The following PCDHGA8 variants were observed in gnomAD, a reference collection of about 807,000 sequenced individuals.
PCDHGA8 encodes the protein protocadherin gamma subfamily A, 8, also known as protocadherin gamma-A8.
A neutral mutation model predicts 59.2 loss-of-function variants in PCDHGA8; 45 were observed. That is an observed-to-expected ratio of 0.76 (90% CI 0.60 to 0.98). The LOEUF (loss-of-function observed/expected upper bound fraction) is 0.98. Ranked by LOEUF, PCDHGA8 falls within the 50% of genes least tolerant of loss-of-function variation. The probability of loss-of-function intolerance (pLI) is 0.00; values close to 1 mark genes in which losing one functional copy is unlikely to be tolerated. For missense variants in PCDHGA8, 1,257 were observed against 1,196.2 expected, an observed-to-expected ratio of 1.05 and a Z score of -0.75; for synonymous variants, 531 against 519.0, an observed-to-expected ratio of 1.02 and a Z score of -0.32.
Position 141,485,814 on chromosome 5 carries a change from C to T in PCDHGA8, c.2425-8993C>T, listed in dbSNP as rs2099619616. 7.4e-6 allele frequency: 12 copies of T among 1,613,982 alleles called. No individual in the cohort carries two copies. The East Asian group carries it at 2.2e-4, about 30-fold the overall frequency. On this transcript the variant is annotated intron_variant, in intron 1 of 3. Coordinates refer to ENST00000398604, the MANE Select transcript of PCDHGA8 (RefSeq NM_032088.2). This position sits in a 1 kb window ranked among gnomAD's most constrained non-coding sequence, Gnocchi z 5.7. ...TCGGACTACCGCCTGGTGCTGACTG[C>T]TGTCGATGGAGGGAACCCGCCGAGA...
At chr5:141,417,001 A>G (rs1590037654) in intron 1 of PCDHGA8, 1 of 150,924 alleles carries the variant, frequency 6.6e-6, no homozygotes, top group African/African-American at 2.5e-5. Context: ...TTCATCTCAA[A>G]TAATTCTATT....
chr5:141,396,597 G>A (rs2150671251), intron 1 of PCDHGA8: 1 of 151,620 alleles, frequency 6.6e-6, no homozygotes, highest in Middle Eastern at 3.4e-3. Flanking sequence ...TCCAGCCTGG[G>A]CAACAGGGTG....
chr5:141,399,320 A>G, intron 1 of PCDHGA8: 3 of 1,614,010 alleles, frequency 1.9e-6, no homozygotes, highest in Non-Finnish European at 2.5e-6. Context: ...AAAAATTCGT[A>G]TAAGTTGGTA....
In PCDHGA8 at chr5:141,487,128, G is replaced by T. The variant is rs565927415; in HGVS notation, c.2425-7679G>T. On this transcript the variant is annotated intron_variant, in intron 1 of 3. Transcript: ENST00000398604. This position sits in a 1 kb window ranked among gnomAD's most constrained non-coding sequence, Gnocchi z 5.0. ...GTCATTGTGGTAAAGGATAGTGGTA[G>T]TCCACCACTCTCTACCTCTGTTACT... The T allele has an allele frequency of 6.3e-5, 102 of 1,614,086 alleles. No individual in the cohort carries two copies. The South Asian group carries it at 7.7e-4, about 12-fold the overall frequency.
intron 1 of PCDHGA8, among the ~76,000 whole-genome samples, chr5:141,475,285 A>G (rs2099361212): frequency 6.6e-6 from 1 of 152,244 alleles, no homozygotes; most frequent in Non-Finnish European, 1.5e-5. Context: ...AAGACAGGGT[A>G]GGGAAATTTC....
intron 1 of PCDHGA8, chr5:141,430,854 G>A (rs140440273): frequency 5.0e-6 from 8 of 1,587,648 alleles, no homozygotes; most frequent in Middle Eastern, 1.7e-4. Flanking sequence ...ACCCAGATAC[G>A]CTATTCAGTT....
At chr5:141,418,278 T>C (rs2096243624) in intron 1 of PCDHGA8, 1 of 1,613,954 alleles carries the variant, frequency 6.2e-7, no homozygotes, top group East Asian at 2.2e-5. Context: ...GAAATAAACT[T>C]AGAAATCAGT....
chr5:141,420,286 A>C, intron 1 of PCDHGA8: 1 of 1,505,774 alleles, frequency 6.6e-7, no homozygotes, highest in Non-Finnish European at 8.9e-7. Flanking sequence ...TAAGTATTTA[A>C]AAATGTATTT....
chr5:141,399,356 A>G, intron 1 of PCDHGA8: 1 of 1,614,010 alleles, frequency 6.2e-7, no homozygotes, highest in Non-Finnish European at 8.5e-7. Flanking sequence ...GACCGAGAGC[A>G]AACCCCGGAG....
chr5:141,450,470 A>AGTTT (rs199699353), intron 1 of PCDHGA8, among the ~76,000 whole-genome samples: 2,037 of 151,800 alleles, frequency 0.013, 39 homozygotes, highest in African/African-American at 0.044. Flanking sequence ...TTATATATAG[A>AGTTT]GTTTGTTTGT....
chr5:141,509,059 C>T (rs1313349089), intron 3 of PCDHGA8, among the ~76,000 whole-genome samples: 2 of 152,182 alleles, frequency 1.3e-5, no homozygotes, highest in Non-Finnish European at 2.9e-5. Flanking sequence ...CCAGAAAGCT[C>T]TCAGCTCCGG....
intron 1 of PCDHGA8, chr5:141,422,104 T>C: frequency 6.2e-7 from 1 of 1,607,960 alleles, no homozygotes; most frequent in Non-Finnish European, 8.5e-7. Context: ...TTCTGAAATA[T>C]TCCAATTGGA....
At chr5:141,413,450 G>T (rs2095642221) in intron 1 of PCDHGA8, 1 of 1,614,148 alleles carries the variant, frequency 6.2e-7, no homozygotes, top group Non-Finnish European at 8.5e-7. Context: ...ATCACCGCGG[G>T]CAGGATAGAC....
In PCDHGA8 at chr5:141,489,203, C is replaced by A; in HGVS notation, c.2425-5604C>A. On this transcript the variant is annotated intron_variant, in intron 1 of 3. Transcript: ENST00000398604. The surrounding 1 kb of genome is among the most constrained non-coding windows in gnomAD (Gnocchi z 4.5). ...CCCTGGGTCTACCTTGGAGACAGGA[C>A]AGCACAGACTTACTCTCCACAAAGG... is the stretch of plus-strand genomic sequence containing the variant. 7.1e-7 allele frequency: 1 copy of A among 1,414,834 alleles called. No individual in the cohort carries two copies. Among genetic ancestry groups the A allele is most frequent in the Non-Finnish European group, 9.6e-7 (1 of 1,040,052 alleles). The allele number at this position is 1,414,834 out of a possible 1,614,324, so 87.6% of individuals were successfully genotyped here.
At chr5:141,496,994 T>A (rs2099773177) in intron 2 of PCDHGA8, among the ~76,000 whole-genome samples, 1 of 151,862 alleles carries the variant, frequency 6.6e-6, no homozygotes, top group Non-Finnish European at 1.5e-5. Flanking sequence ...GAGACCAGCC[T>A]GGCAGCCAAC....
At position 141,409,990 on chromosome 5, in the gene PCDHGA8, C is replaced by G. The variant is rs377295503; in HGVS notation, c.2424+14753C>G. On this transcript the variant is annotated intron_variant, in intron 1 of 3. Transcript: ENST00000398604. The stretch of plus-strand genomic sequence containing the variant: ...TGACTAAGGTGGTAGCGGTGGACGC[C>G]GACTCGGGACACAACGCCTGGCTGT... 2.7e-5 allele frequency: 44 copies of G among 1,613,278 alleles called. No homozygotes were observed. The African/African-American group carries it at 5.3e-4, about 20-fold the overall frequency.
chr5:141,476,711 G>C lies in PCDHGA8; in HGVS notation c.2425-18096G>C. 1 of 1,614,194 alleles carries C rather than the reference G, an allele frequency of 6.2e-7. No individual in the cohort carries two copies. The highest frequency in any genetic ancestry group is 8.5e-7 in the Non-Finnish European group (1 of 1,180,042). On this transcript the variant is annotated intron_variant, in intron 1 of 3. Coordinates refer to ENST00000398604, the MANE Select transcript of PCDHGA8 (RefSeq NM_032088.2). This position sits in a 1 kb window ranked among gnomAD's most constrained non-coding sequence, Gnocchi z 7.6. ...CACCAAGTACGCGGAGCTGGTGTTG[G>C]AGCGCGCCCTGGACCGAGAACGGGA...
chr5:141,441,103 A>C (rs2098225469), intron 1 of PCDHGA8: 1 of 152,198 alleles, frequency 6.6e-6, no homozygotes, highest in Non-Finnish European at 1.5e-5. Flanking sequence ...AGAGGGACTC[A>C]TTGTCCAGTG....
At chr5:141,478,417 C>G in intron 1 of PCDHGA8, 1 of 1,613,652 alleles carries the variant, frequency 6.2e-7, no homozygotes, top group Non-Finnish European at 8.5e-7. Context: ...CGGACTCCCG[C>G]CGCAGCGACC....
Sources: gnomAD v4.1 joint callset for allele counts (sites outside exome capture counted in the v4.1 genomes callset) on GRCh38, gnomAD v4.1.1 for gene constraint, Gnocchi (gnomAD v3.1) non-coding constraint, MANE v1.5 for transcripts, NCBI Gene and HGNC (gene_info 2026-07-23, HGNC 2026-07-21) for gene names.